The following PDE11A variants were observed in gnomAD, a reference collection of about 807,000 sequenced individuals.
PDE11A encodes phosphodiesterase 11A, also known as dual 3',5'-cyclic-AMP and -GMP phosphodiesterase 11A.
A neutral mutation model predicts 100.5 loss-of-function variants in PDE11A; 100 were observed. The ratio of observed to expected loss-of-function variants is 1.00; its 90% CI spans 0.85 to 1.18. The LOEUF is 1.18. Among genes scored for constraint, PDE11A ranks in the 50% most tolerant of loss-of-function variants. PDE11A has a pLI of 0.00. For missense variants in PDE11A, 1,141 were observed against 1,152.6 expected, an observed-to-expected ratio of 0.99 and a Z score of 0.15; for synonymous variants, 381 against 420.8, an observed-to-expected ratio of 0.91 and a Z score of 1.16.
At chr2:177,832,742 TC>T (rs2083332701) in intron 6 of PDE11A, among the ~76,000 whole-genome samples, 1 of 152,076 alleles carries the variant, frequency 6.6e-6, no homozygotes, top group Non-Finnish European at 1.5e-5. Context: ...CGAGAAACAT[TC>T]CGCTGGTATG....
chr2:177,903,105 AT>A (rs1011438747), intron 3 of PDE11A, among the ~76,000 whole-genome samples: 4 of 151,524 alleles, frequency 2.6e-5, no homozygotes, highest in African/African-American at 7.3e-5. Flanking sequence ...TCCTCATTTT[AT>A]TTTTTTTCCC....
At chr2:178,024,824 A>C (rs1158833749) in intron 1 of PDE11A, among the ~76,000 whole-genome samples, 1 of 152,176 alleles carries the variant, frequency 6.6e-6, no homozygotes, top group Admixed American at 6.5e-5. Flanking sequence ...ATCTCCTTAC[A>C]CTTATGACTT....
At chr2:177,714,222 T>A (rs1051245865) in intron 12 of PDE11A, among the ~76,000 whole-genome samples, 7 of 152,108 alleles carry the variant, frequency 4.6e-5, no homozygotes, top group African/African-American at 1.7e-4. Context: ...CTCGATCTAC[T>A]GACCTTGTGA....
At chr2:177,781,556 G>A (rs1386686635) in intron 9 of PDE11A, among the ~76,000 whole-genome samples, 1 of 151,226 alleles carries the variant, frequency 6.6e-6, no homozygotes, top group Non-Finnish European at 1.5e-5. Flanking sequence ...AGGCTGGAGT[G>A]TAGTGGCTTG....
intron 13 of PDE11A, among the ~76,000 whole-genome samples, chr2:177,701,751 C>A (rs999648368): frequency 1.3e-5 from 2 of 152,148 alleles, no homozygotes; most frequent in African/African-American, 4.8e-5. Flanking sequence ...GAATATTCTG[C>A]AGAGTGCATT....
At chr2:177,796,761 C>T (rs1201498742) in intron 9 of PDE11A, among the ~76,000 whole-genome samples, 1 of 152,168 alleles carries the variant, frequency 6.6e-6, no homozygotes, top group East Asian at 1.9e-4. Flanking sequence ...CAATGTTTTA[C>T]AAGAGAAGCC....
chr2:177,886,277 GCCAT>G (rs2084428003), intron 4 of PDE11A, among the ~76,000 whole-genome samples: 1 of 152,184 alleles, frequency 6.6e-6, no homozygotes, highest in Admixed American at 6.5e-5. Flanking sequence ...AATGGAAAAT[GCCAT>G]TGACAAAATC....
intron 2 of PDE11A, chr2:177,998,644 G>C: frequency 7.8e-7 from 1 of 1,280,708 alleles, no homozygotes. Context: ...GCTGCTAATC[G>C]TTTTTCCTTA....
intron 2 of PDE11A, among the ~76,000 whole-genome samples, chr2:177,914,645 T>C (rs183958524): frequency 6.6e-6 from 1 of 152,282 alleles, no homozygotes; most frequent in African/African-American, 2.4e-5. Flanking sequence ...TGCAGGAAGC[T>C]ACACAATAGA....
At chr2:177,683,608 C>T (rs1390782839) in intron 15 of PDE11A, 1 of 152,312 alleles carries the variant, frequency 6.6e-6, no homozygotes, top group Non-Finnish European at 1.5e-5. Context: ...GGGATTCAGT[C>T]TGTGAGATGG....
intron 1 of PDE11A, chr2:178,105,674 G>T: frequency 1.3e-6 from 1 of 777,060 alleles, no homozygotes; most frequent in Non-Finnish European, 1.9e-6. Flanking sequence ...GTACAGGATG[G>T]CATAATGAAG....
intron 6 of PDE11A, among the ~76,000 whole-genome samples, chr2:177,832,917 C>G (rs1008817184): frequency 1.3e-5 from 2 of 152,180 alleles, no homozygotes; most frequent in African/African-American, 4.8e-5. Context: ...GCATAAAATT[C>G]CAAGTCAAAG....
At chr2:177,844,517 CT>C (rs745363380) in intron 5 of PDE11A, among the ~76,000 whole-genome samples, 1,729 of 143,592 alleles carry the variant, frequency 0.012, 34 homozygotes, top group African/African-American at 0.037. Flanking sequence ...TTTGGAATTC[CT>C]TTTTTTTTTT....
chr2:177,791,356 G>A (rs1348107918), intron 9 of PDE11A, among the ~76,000 whole-genome samples: 2 of 136,352 alleles, frequency 1.5e-5, no homozygotes, highest in African/African-American at 2.7e-5. Flanking sequence ...GTGGACACAG[G>A]AAGGGGAACA....
intron 2 of PDE11A, among the ~76,000 whole-genome samples, chr2:177,969,738 G>A (rs76912702): frequency 0.16 from 24,058 of 152,100 alleles, 1,967 homozygotes; most frequent in Middle Eastern, 0.27. Flanking sequence ...GTATTTACAA[G>A]ATTGTATTAC....
chr2:177,887,871 G>A (rs907805482), intron 4 of PDE11A, among the ~76,000 whole-genome samples: 1 of 152,138 alleles, frequency 6.6e-6, no homozygotes, highest in Admixed American at 6.5e-5. Flanking sequence ...GCTGCCTAGT[G>A]CACTATAAAG....
At position 178,071,964 on chromosome 2, in the gene PDE11A, G is replaced by C. The variant is rs769486668; in HGVS notation, c.474C>G (p.Leu158=). 1.2e-6 allele frequency: 2 copies of C among 1,614,106 alleles called. No individual in the cohort carries two copies. The highest frequency in any genetic ancestry group is 1.3e-5 in the African/African-American group (1 of 75,046). ...TGGGGGGCAGGGAGCTTGCCTTCCGGAGAAGTGCCCTCCGTCGTACACTAC... is the reference window on the plus strand; with the variant it reads ...TGGGGGGCAGGGAGCTTGCCTTCCGCAGAAGTGCCCTCCGTCGTACACTAC... ...PLSSVRRRAL[L]RKASSLPPTT... is the part of the protein sequence containing the mutation. The change falls in exon 1 of 20, where the codon CTC becomes CTG. Residue 158 remains leucine, a synonymous_variant. Coordinates refer to ENST00000286063, the MANE Select transcript of PDE11A (RefSeq NM_016953.4).
intron 18 of PDE11A, among the ~76,000 whole-genome samples, chr2:177,669,028 C>T (rs2080633302): frequency 1.3e-5 from 2 of 152,124 alleles, no homozygotes; most frequent in African/African-American, 4.8e-5. Flanking sequence ...GAACCTAGTT[C>T]CCCAGGTGAA....
chr2:177,832,401 C>T (rs751970807), intron 6 of PDE11A, among the ~76,000 whole-genome samples: 2 of 152,182 alleles, frequency 1.3e-5, no homozygotes, highest in African/African-American at 2.4e-5. Flanking sequence ...TTTCAGCCTA[C>T]GTCTTTCTCT....
Sources: gnomAD v4.1 joint callset for allele counts (sites outside exome capture counted in the v4.1 genomes callset) on GRCh38, gnomAD v4.1.1 for gene constraint, MANE v1.5 for transcripts, NCBI Gene and HGNC (gene_info 2026-07-23, HGNC 2026-07-21) for gene names.